The following HCFC1R1 variants were observed in gnomAD, a reference collection of about 807,000 sequenced individuals.
The protein encoded by HCFC1R1 is HCF-1 beta-propeller-interacting protein.
Under a neutral mutation model 13.3 loss-of-function variants are expected in HCFC1R1, and 17 were observed. The observed-to-expected ratio is 1.28, with a 90% CI of 0.87 to 1.91. HCFC1R1 has a LOEUF of 1.91. Ranked by LOEUF, HCFC1R1 falls within the 40% of genes most tolerant of loss-of-function variation. The pLI is 0.00. For synonymous variants in HCFC1R1, 87 were observed against 71.1 expected (o/e 1.22, Z -1.12); for missense variants, 218 against 177.9 (o/e 1.23, Z -1.28).
rs746227063 is a variant in HCFC1R1, at chr16:3,023,219, G to C, written c.281+14C>G. 2.6e-6 allele frequency: 4 copies of C among 1,544,898 alleles called. No homozygotes were observed. In the Admixed American group the frequency reaches 8.2e-5, roughly 32 times the overall value. On this transcript the variant is annotated intron_variant, in intron 3 of 3. Coordinates refer to ENST00000248089, the MANE Select transcript of HCFC1R1 (RefSeq NM_017885.4). The stretch of plus-strand genomic sequence containing the variant: ...TGTGATTCTGCAGAAGGCCTGGCCA[G>C]TGGAGGAACCTACCTGAGTGGGGGC...
In HCFC1R1 at chr16:3,023,541, AAG is replaced by A; in HGVS notation, c.96-13_96-12del. 2 of 1,573,678 alleles carry A rather than the reference AAG, an allele frequency of 1.3e-6. No homozygotes were observed. The highest frequency in any genetic ancestry group is 1.4e-5 in the African/African-American group (1 of 73,228). ...CCTCGGAGAGGGGAGCTGGGAAAAA[AAG>A]AGAGCCTGGTGCACCCCACCCTCTT... On this transcript the variant is annotated splice_polypyrimidine_tract_variant and intron_variant, in intron 1 of 3. Transcript: ENST00000248089.
upstream of HCFC1R1, chr16:3,024,067 C>T (rs1470244172): frequency 1.9e-5 from 16 of 827,058 alleles, no homozygotes; most frequent in South Asian, 2.1e-4. Context: ...GCGCGGAAGA[C>T]GGGCGGCGCG....
Position 3,023,897 on chromosome 16 carries a change from G to T in HCFC1R1, c.45C>A (p.Ala15=). ...QPLQRGPQGG[A]QRLPRAALGV... is the part of the protein sequence containing the mutation. Reference sequence around the variant, plus strand: ...CCAAGGCGGCCCGCGGGAGGCGCTGGGCCCCTCCCTGGGGGCCTCGCTGCA... The same window carrying T: ...CCAAGGCGGCCCGCGGGAGGCGCTGTGCCCCTCCCTGGGGGCCTCGCTGCA... Residue 15 remains alanine, a synonymous_variant, in exon 1 of 4, where the codon GCC becomes GCA. Transcript: ENST00000248089. The T allele has an allele frequency of 6.4e-7, 1 of 1,557,878 alleles. No individual in the cohort carries two copies. Among genetic ancestry groups the T allele is most frequent in the Non-Finnish European group, 8.7e-7 (1 of 1,155,424 alleles).
Position 3,023,506 on chromosome 16 carries a change from GGGCACAGCTCCTC to G in HCFC1R1, c.107_119del (p.Arg36ProfsTer2). ...CCTCCAGGCGCCGCTTGGTGCTCATGGGCACAGCTCCTCGGAGAGGGGAGCTGGGAAAAAAAGA... is the reference window on the plus strand; with the variant it reads ...CCTCCAGGCGCCGCTTGGTGCTCATGGGAGAGGGGAGCTGGGAAAAAAAGA... On this transcript the variant is annotated frameshift_variant, in exon 2 of 4. Transcript: ENST00000248089. LOFTEE classifies it high-confidence loss of function. 1 of 1,608,536 alleles carries G rather than the reference GGGCACAGCTCCTC, an allele frequency of 6.2e-7. No individual in the cohort carries two copies. The highest frequency in any genetic ancestry group is 8.5e-7 in the Non-Finnish European group (1 of 1,176,824).
chr16:3,023,851 C>T lies in HCFC1R1; in HGVS notation c.91G>A (p.Ala31Thr). 6.5e-7 allele frequency: 1 copy of T among 1,543,156 alleles called. No homozygotes were observed. ...ACCCTGGTCCCCTACACGCACCTGGCGTCCAGGCCCCAAGTCACCCCCAAG... is the reference window on the plus strand; with the variant it reads ...ACCCTGGTCCCCTACACGCACCTGGTGTCCAGGCCCCAAGTCACCCCCAAG... ...AALGVTWGLD[A>T]SSPLRGAVPM... Residue 31 changes from alanine to threonine, a missense_variant, in exon 1 of 4, where the codon GCC becomes ACC. Coordinates refer to ENST00000248089, the MANE Select transcript of HCFC1R1 (RefSeq NM_017885.4).
Position 3,022,837 on chromosome 16 carries a change from G to C in HCFC1R1, c.*26C>G. Reference sequence around the variant, plus strand: ...TCTTCTGTTGTGGGGAAGAAGGAAGGTGGGAGGGGCACTGTCCACCAGCAC... The same window carrying C: ...TCTTCTGTTGTGGGGAAGAAGGAAGCTGGGAGGGGCACTGTCCACCAGCAC... On this transcript the variant is annotated 3_prime_UTR_variant, in exon 4 of 4. Coordinates refer to ENST00000248089, the MANE Select transcript of HCFC1R1 (RefSeq NM_017885.4). 6.7e-7 allele frequency: 1 copy of C among 1,489,990 alleles called. No individual in the cohort carries two copies. Among genetic ancestry groups the C allele is most frequent in the Non-Finnish European group, 8.9e-7 (1 of 1,128,258 alleles). The allele number at this position is 1,489,990 out of a possible 1,614,324, so 92.3% of individuals were successfully genotyped here.
chr16:3,022,771 G>C lies in HCFC1R1; in HGVS notation c.*92C>G. 8.3e-7 allele frequency: 1 copy of C among 1,204,882 alleles called. No homozygotes were observed. The highest frequency in any genetic ancestry group is 2.0e-5 in the South Asian group (1 of 51,272). The allele number at this position is 1,204,882 out of a possible 1,614,324, so 74.6% of individuals were successfully genotyped here. A position where few individuals can be genotyped will look rare whatever the true frequency, so the allele number is the denominator to read the frequency against. ...TTGGTGCCCAGATGCCTACTCTGCAGGAGAGGGAGGAACCTTGTCCCTTTG... is the reference window on the plus strand; with the variant it reads ...TTGGTGCCCAGATGCCTACTCTGCACGAGAGGGAGGAACCTTGTCCCTTTG... On this transcript the variant is annotated 3_prime_UTR_variant, in exon 4 of 4. Coordinates refer to ENST00000248089, the MANE Select transcript of HCFC1R1 (RefSeq NM_017885.4).
intron 3 of HCFC1R1, 54 bp downstream of exon 3, chr16:3,023,179 G>C (rs1365040039): frequency 3.9e-6 from 6 of 1,520,604 alleles, no homozygotes; most frequent in Non-Finnish European, 3.5e-6. Context: ...CCTGAGGTCA[G>C]CTGTGAGGAC....
chr16:3,024,234 G>A, upstream of HCFC1R1: 6 of 1,534,090 alleles, frequency 3.9e-6, no homozygotes, highest in East Asian at 2.3e-5. Context: ...CGCCGAAGGC[G>A]GTAGGGCGCC....
Position 3,022,803 on chromosome 16 carries a change from T to G in HCFC1R1, c.*60A>C. ...GAGGAACCTTGTCCCTTTGCGGGAG[T>G]CGCTGGTCTCTTCTGTTGTGGGGAA... On this transcript the variant is annotated 3_prime_UTR_variant, in exon 4 of 4. Transcript: ENST00000248089. 7.2e-7 allele frequency: 1 copy of G among 1,389,304 alleles called. No individual in the cohort carries two copies. Among genetic ancestry groups the G allele is most frequent in the Non-Finnish European group, 9.4e-7 (1 of 1,065,264 alleles). The allele number at this position is 1,389,304 out of a possible 1,614,324, so 86.1% of individuals were successfully genotyped here.
chr16:3,022,824 G>T lies in HCFC1R1; in HGVS notation c.*39C>A. On this transcript the variant is annotated 3_prime_UTR_variant, in exon 4 of 4. Transcript: ENST00000248089. ...GGAGTCGCTGGTCTCTTCTGTTGTG[G>T]GGAAGAAGGAAGGTGGGAGGGGCAC... 2.0e-6 allele frequency: 3 copies of T among 1,471,808 alleles called. No individual in the cohort carries two copies. Among genetic ancestry groups the T allele is most frequent in the Non-Finnish European group, 2.7e-6 (3 of 1,118,098 alleles). 91.2% of individuals were successfully genotyped at this position (1,471,808 alleles called of 1,614,324 possible).
chr16:3,022,771 G>A lies in HCFC1R1; in HGVS notation c.*92C>T. On this transcript the variant is annotated 3_prime_UTR_variant, in exon 4 of 4. Coordinates refer to ENST00000248089, the MANE Select transcript of HCFC1R1 (RefSeq NM_017885.4). The stretch of plus-strand genomic sequence containing the variant: ...TTGGTGCCCAGATGCCTACTCTGCA[G>A]GAGAGGGAGGAACCTTGTCCCTTTG... 3 of 1,204,882 alleles carry A rather than the reference G, an allele frequency of 2.5e-6. No homozygotes were observed. The highest frequency in any genetic ancestry group is 2.2e-6 in the Non-Finnish European group (2 of 906,134). The allele number at this position is 1,204,882 out of a possible 1,614,324, so 74.6% of individuals were successfully genotyped here.
chr16:3,024,032 G>A (rs1213304027), upstream of HCFC1R1: 3 of 1,062,086 alleles, frequency 2.8e-6, no homozygotes, highest in Non-Finnish European at 4.0e-6. Context: ...GCTTTAGGCG[G>A]GCACAGCCGC....
chr16:3,023,124 A>C (rs2072656105), intron 3 of HCFC1R1, 109 bp downstream of exon 3: 11 of 1,506,154 alleles, frequency 7.3e-6, no homozygotes, highest in Non-Finnish European at 9.0e-6. Context: ...GATGGGAAAC[A>C]ACCCAGAGGT....
chr16:3,023,859 C>CG lies in HCFC1R1; in HGVS notation c.82_83insC (p.Gly28AlafsTer34). 6.5e-7 allele frequency: 1 copy of CG among 1,546,316 alleles called. No individual in the cohort carries two copies. The highest frequency in any genetic ancestry group is 8.7e-7 in the Non-Finnish European group (1 of 1,151,394). On this transcript the variant is annotated frameshift_variant, in exon 1 of 4. Coordinates refer to ENST00000248089, the MANE Select transcript of HCFC1R1 (RefSeq NM_017885.4). LOFTEE classifies it high-confidence loss of function. ...CCCCTACACGCACCTGGCGTCCAGGCCCCAAGTCACCCCCAAGGCGGCCCG... is the reference window on the plus strand; with the variant it reads ...CCCCTACACGCACCTGGCGTCCAGGCGCCCAAGTCACCCCCAAGGCGGCCCG...
At chr16:3,023,980 G>T, upstream of HCFC1R1, 2 of 1,445,368 alleles carry the variant, frequency 1.4e-6, no homozygotes, top group Non-Finnish European at 1.9e-6. Flanking sequence ...TGGGCGACAG[G>T]GGAGGAGTCT....
Position 3,022,673 on chromosome 16 carries a change from C to T in HCFC1R1, c.*190G>A, listed in dbSNP as rs1297068806. On this transcript the variant is annotated 3_prime_UTR_variant, in exon 4 of 4. Transcript: ENST00000248089. Reference sequence around the variant, plus strand: ...TCAGTTCTTCTTGGGGGTGGGATGCCTCCCTTCCCATGCTCCCACCCCTCC... The same window carrying T: ...TCAGTTCTTCTTGGGGGTGGGATGCTTCCCTTCCCATGCTCCCACCCCTCC... The T allele has an allele frequency of 6.3e-6, 3 of 472,456 alleles. No homozygotes were observed. In the South Asian group the frequency reaches 1.4e-4, roughly 22 times the overall value. 29.3% of individuals were successfully genotyped at this position (472,456 alleles called of 1,614,324 possible).
At chr16:3,024,235 G>C, upstream of HCFC1R1, 1 of 1,538,810 alleles carries the variant, frequency 6.5e-7, no homozygotes. Flanking sequence ...GCCGAAGGCG[G>C]TAGGGCGCCA....
At chr16:3,023,599 C>A (rs2072683608) in intron 1 of HCFC1R1, 69 bp from the exon 2 acceptor site, 1 of 1,473,828 alleles carries the variant, frequency 6.8e-7, no homozygotes, top group Non-Finnish European at 9.0e-7. Flanking sequence ...CCCGCCTAAG[C>A]CTGCAGCATC....
Sources: gnomAD v4.1 joint callset for allele counts on GRCh38, gnomAD v4.1.1 for gene constraint, MANE v1.5 for transcripts, NCBI Gene and HGNC (gene_info 2026-07-23, HGNC 2026-07-21) for gene names.